SLC22A24: variants seen among roughly 807,000 people sequenced by gnomAD.
SLC22A24 encodes steroid transmembrane transporter SLC22A24.
SLC22A24 carries 53 observed loss-of-function variants against 49.8 expected under a neutral mutation model. The ratio of observed to expected loss-of-function variants is 1.06; its 90% CI spans 0.85 to 1.34. The LOEUF (loss-of-function observed/expected upper bound fraction) is 1.34. Ranked by LOEUF, SLC22A24 falls within the 40% of genes most tolerant of loss-of-function variation. The pLI, the probability that SLC22A24 is intolerant of heterozygous loss-of-function variation, is 0.00. For missense variants in SLC22A24, 786 were observed against 675.9 expected (o/e 1.16, Z -1.81); for synonymous variants, 302 against 256.4 (o/e 1.18, Z -1.70).
chr11:63,108,452 G>C (rs1454952279), intron 4 of SLC22A24, among the ~76,000 whole-genome samples: 2 of 152,190 alleles, frequency 1.3e-5, no homozygotes, highest in South Asian at 4.1e-4. Context: ...CACATGAAAT[G>C]AGTTAGGGAG....
At chr11:63,135,536 T>C (rs1158232728) in intron 1 of SLC22A24, among the ~76,000 whole-genome samples, 1 of 152,248 alleles carries the variant, frequency 6.6e-6, no homozygotes, top group Non-Finnish European at 1.5e-5. Flanking sequence ...TTGGTGCAAA[T>C]GTAATTGTGG....
intron 7 of SLC22A24, among the ~76,000 whole-genome samples, chr11:63,082,181 A>G (rs900943044): frequency 6.6e-6 from 1 of 152,186 alleles, no homozygotes. Context: ...CAGATATTCT[A>G]CCATATAGTA....
intron 1 of SLC22A24, among the ~76,000 whole-genome samples, chr11:63,140,927 A>G (rs192015151): frequency 2.8e-4 from 43 of 152,346 alleles, no homozygotes; most frequent in African/African-American, 9.4e-4. Flanking sequence ...AAGGTTTTGT[A>G]AAGCGTTAAT....
chr11:63,115,958 G>C (rs1035363070), intron 4 of SLC22A24: 1 of 318,152 alleles, frequency 3.1e-6, no homozygotes, highest in Non-Finnish European at 5.9e-6. Flanking sequence ...CCTGGGCCTT[G>C]GTTTGACCCT....
At chr11:63,113,506 C>T (rs1262825061) in intron 4 of SLC22A24, among the ~76,000 whole-genome samples, 1 of 151,922 alleles carries the variant, frequency 6.6e-6, no homozygotes, top group Non-Finnish European at 1.5e-5. Flanking sequence ...TTCTTCTTCA[C>T]TTATGAAGCT....
At chr11:63,141,489 A>C (rs1374186005) in intron 1 of SLC22A24, among the ~76,000 whole-genome samples, 1 of 152,204 alleles carries the variant, frequency 6.6e-6, no homozygotes, top group African/African-American at 2.4e-5. Context: ...TCTTGTAAAG[A>C]ATCAAAGTTG....
chr11:63,111,029 A>G (rs2087159645), intron 4 of SLC22A24, among the ~76,000 whole-genome samples: 1 of 152,106 alleles, frequency 6.6e-6, no homozygotes, highest in South Asian at 2.1e-4. Flanking sequence ...TCCCATCAAT[A>G]CCTAATTTAT....
chr11:63,112,297 G>T (rs1442146078), intron 4 of SLC22A24, among the ~76,000 whole-genome samples: 1 of 152,128 alleles, frequency 6.6e-6, no homozygotes, highest in Non-Finnish European at 1.5e-5. Context: ...GAATAAGTGT[G>T]GTGTAGTGCT....
At chr11:63,112,768 C>G (rs1045127050) in intron 4 of SLC22A24, among the ~76,000 whole-genome samples, 3 of 151,720 alleles carry the variant, frequency 2.0e-5, no homozygotes, top group African/African-American at 7.3e-5. Flanking sequence ...ACTCCCAGCA[C>G]TTTGGGAGGC....
intron 4 of SLC22A24, among the ~76,000 whole-genome samples, chr11:63,110,391 A>T (rs1363270717): frequency 6.6e-6 from 1 of 152,032 alleles, no homozygotes; most frequent in Non-Finnish European, 1.5e-5. Flanking sequence ...GAAGAAAGTC[A>T]TTGGTAGCTT....
rs1276583410 is a variant in SLC22A24 at position 63,081,683 on chromosome 11, G to T, written c.1286-17C>A. Reference sequence around the variant, plus strand: ...TCTGCATTTCTAGAGAGAACAGTGAGAATCAGGAAATCTTGCCTGAAGAAA... The same window carrying T: ...TCTGCATTTCTAGAGAGAACAGTGATAATCAGGAAATCTTGCCTGAAGAAA... On this transcript the variant is annotated splice_polypyrimidine_tract_variant and intron_variant, in intron 7 of 9. Coordinates refer to ENST00000612278, the MANE Select transcript of SLC22A24 (RefSeq NM_001136506.2). 6.6e-6 allele frequency: 10 copies of T among 1,514,232 alleles called. No homozygotes were observed. The highest frequency in any genetic ancestry group is 9.0e-6 in the Non-Finnish European group (10 of 1,113,244). 93.8% of individuals were successfully genotyped at this position (1,514,232 alleles called of 1,614,324 possible). A position where few individuals can be genotyped will look rare whatever the true frequency, so the allele number is the denominator to read the frequency against.
chr11:63,131,270 C>T (rs1425198818), intron 2 of SLC22A24, among the ~76,000 whole-genome samples: 3 of 152,072 alleles, frequency 2.0e-5, no homozygotes, highest in Middle Eastern at 3.4e-3. Context: ...GCATTTAGCC[C>T]AGTTACATTT....
At chr11:63,096,316 A>G (rs1269819890) in intron 5 of SLC22A24, among the ~76,000 whole-genome samples, 2 of 152,200 alleles carry the variant, frequency 1.3e-5, no homozygotes, top group Non-Finnish European at 2.9e-5. Flanking sequence ...GGAATTATAT[A>G]GGAATAAAAC....
intron 2 of SLC22A24, among the ~76,000 whole-genome samples, chr11:63,127,249 A>T (rs1397299464): frequency 6.6e-6 from 1 of 151,980 alleles, no homozygotes; most frequent in East Asian, 1.9e-4. Flanking sequence ...GGTCCTTGTG[A>T]TAGTTTGTTT....
chr11:63,096,646 T>A (rs2087056529), intron 5 of SLC22A24, among the ~76,000 whole-genome samples: 1 of 152,226 alleles, frequency 6.6e-6, no homozygotes, highest in Non-Finnish European at 1.5e-5. Flanking sequence ...TGATTTATAA[T>A]CCTTTGGGTA....
In SLC22A24 at chr11:63,130,481, G is replaced by C. The variant is rs749967393; in HGVS notation, c.506+4184C>G. Among the ~76,000 whole-genome samples the C allele has an allele frequency of 5.3e-5, 8 of 152,194 alleles. No homozygotes were observed. In the South Asian group the frequency reaches 1.7e-3, roughly 32 times the overall value. The stretch of plus-strand genomic sequence containing the variant: ...CAGGCTTTGCTATCATGATGATGCT[G>C]GTCTCATAAAATGAATTAGGGAGGA... On this transcript the variant is annotated intron_variant, in intron 2 of 9. Coordinates refer to ENST00000612278, the MANE Select transcript of SLC22A24 (RefSeq NM_001136506.2).
chr11:63,111,810 TC>T (rs2087167512), intron 4 of SLC22A24, among the ~76,000 whole-genome samples: 1 of 152,184 alleles, frequency 6.6e-6, no homozygotes, highest in Admixed American at 6.6e-5. Flanking sequence ...GCTCCTGGAT[TC>T]ATTAATTTTT....
chr11:63,096,660 A>G (rs928228282), intron 5 of SLC22A24, among the ~76,000 whole-genome samples: 2 of 152,206 alleles, frequency 1.3e-5, no homozygotes, highest in African/African-American at 4.8e-5. Context: ...TTGGGTATAT[A>G]CCCAGTAATG....
chr11:63,106,309 C>T (rs986529019), intron 4 of SLC22A24, among the ~76,000 whole-genome samples: 1 of 152,138 alleles, frequency 6.6e-6, no homozygotes, highest in African/African-American at 2.4e-5. Flanking sequence ...ATATGTGCCA[C>T]ATTTTCTTAA....
Sources: gnomAD v4.1 joint callset for allele counts (sites outside exome capture counted in the v4.1 genomes callset) on GRCh38, gnomAD v4.1.1 for gene constraint, MANE v1.5 for transcripts, NCBI Gene and HGNC (gene_info 2026-07-23, HGNC 2026-07-21) for gene names.